GMDS: variants seen among roughly 807,000 people sequenced by gnomAD.
GMDS encodes the protein GDP-mannose 4,6-dehydratase.
A neutral mutation model predicts 49.9 loss-of-function variants in GMDS; 20 were observed. The ratio of observed to expected loss-of-function variants is 0.40; its 90% CI spans 0.28 to 0.58. The LOEUF (loss-of-function observed/expected upper bound fraction) is 0.58, where lower values mean the gene tolerates loss of function less well. GMDS is among the 20% of genes least tolerant of loss of function. GMDS has a pLI of 0.42. For synonymous variants in GMDS, 177 were observed against 178.6 expected, an observed-to-expected ratio of 0.99 and a Z score of 0.07; for missense variants, 362 against 481.4, an observed-to-expected ratio of 0.75 and a Z score of 2.32.
chr6:2,075,233 T>C (rs1772260136), intron 4 of GMDS, among the ~76,000 whole-genome samples: 1 of 152,156 alleles, frequency 6.6e-6, no homozygotes, highest in Non-Finnish European at 1.5e-5. Context: ...AGCAGTATTG[T>C]CATGTTAATG....
intron 1 of GMDS, among the ~76,000 whole-genome samples, chr6:2,243,345 G>C (rs906959174): frequency 1.3e-5 from 2 of 152,110 alleles, no homozygotes; most frequent in African/African-American, 4.8e-5. Context: ...GTCAAAATTA[G>C]GTTCCATTTC....
intron 4 of GMDS, among the ~76,000 whole-genome samples, chr6:2,114,559 T>C (rs1774736463): frequency 6.6e-6 from 1 of 152,198 alleles, no homozygotes; most frequent in Non-Finnish European, 1.5e-5. Flanking sequence ...CCCTGATACC[T>C]TTCACAGACT....
At chr6:2,166,429 T>C (rs1220942932) in intron 1 of GMDS, among the ~76,000 whole-genome samples, 1 of 152,224 alleles carries the variant, frequency 6.6e-6, no homozygotes, top group Admixed American at 6.5e-5. Flanking sequence ...CTTGTAGTTT[T>C]AGGCTTCAAA....
chr6:1,704,431 T>G (rs1018374809), intron 9 of GMDS, among the ~76,000 whole-genome samples: 1 of 151,976 alleles, frequency 6.6e-6, no homozygotes, highest in Non-Finnish European at 1.5e-5. Context: ...AGCAAGAGCG[T>G]GTCTGTGAGG....
At chr6:1,955,093 T>C (rs1763560486) in intron 6 of GMDS, among the ~76,000 whole-genome samples, 1 of 151,670 alleles carries the variant, frequency 6.6e-6, no homozygotes, top group Non-Finnish European at 1.5e-5. Context: ...GAAAAAATAG[T>C]ACCTACAGAT....
chr6:1,829,155 G>A (rs1034938760), intron 7 of GMDS, among the ~76,000 whole-genome samples: 6 of 152,014 alleles, frequency 3.9e-5, no homozygotes, highest in South Asian at 4.1e-4. Context: ...GGGAGGGGTC[G>A]GTCTTGATGT....
At chr6:1,633,850 T>C (rs1021470416) in intron 9 of GMDS, among the ~76,000 whole-genome samples, 1 of 152,060 alleles carries the variant, frequency 6.6e-6, no homozygotes, top group African/African-American at 2.4e-5. Flanking sequence ...AGCCACGTGG[T>C]CACAAGGCTC....
chr6:2,153,687 C>T (rs1279963679), intron 1 of GMDS, among the ~76,000 whole-genome samples: 1 of 152,056 alleles, frequency 6.6e-6, no homozygotes, highest in Non-Finnish European at 1.5e-5. Context: ...GTTATCTAAA[C>T]CCCACTGTGA....
At chr6:2,238,723 A>T (rs1781482418) in intron 1 of GMDS, among the ~76,000 whole-genome samples, 1 of 152,160 alleles carries the variant, frequency 6.6e-6, no homozygotes, top group African/African-American at 2.4e-5. Flanking sequence ...TTTTCTACCC[A>T]AGAAAAACCC....
intron 9 of GMDS, among the ~76,000 whole-genome samples, chr6:1,723,762 T>C (rs765892235): frequency 6.6e-6 from 1 of 152,148 alleles, no homozygotes; most frequent in Non-Finnish European, 1.5e-5. Flanking sequence ...ATGTGCAGGA[T>C]GGACTGAGTC....
intron 4 of GMDS, among the ~76,000 whole-genome samples, chr6:2,083,254 T>C (rs1401112677): frequency 6.6e-6 from 1 of 152,196 alleles, no homozygotes; most frequent in Admixed American, 6.5e-5. Context: ...TCCTTAATCA[T>C]ACTTCCTGCA....
chr6:2,028,165 CT>C (rs2127413491), intron 4 of GMDS, among the ~76,000 whole-genome samples: 1 of 152,298 alleles, frequency 6.6e-6, no homozygotes, highest in East Asian at 1.9e-4. Flanking sequence ...AAAATGAATA[CT>C]TTTGTTCACA....
chr6:2,158,833 C>G (rs1014811785), intron 1 of GMDS, among the ~76,000 whole-genome samples: 1 of 152,212 alleles, frequency 6.6e-6, no homozygotes, highest in Admixed American at 6.5e-5. Context: ...GCTTCCTCCC[C>G]ACAGTGTCCA....
chr6:1,782,546 A>G (rs566782213), intron 7 of GMDS, among the ~76,000 whole-genome samples: 16 of 152,330 alleles, frequency 1.1e-4, no homozygotes, highest in African/African-American at 3.8e-4. Flanking sequence ...TTCAAACACA[A>G]ATTTCGTATT....
intron 1 of GMDS, among the ~76,000 whole-genome samples, chr6:2,194,616 T>C (rs1392759961): frequency 6.6e-6 from 1 of 152,224 alleles, no homozygotes; most frequent in Non-Finnish European, 1.5e-5. Flanking sequence ...GATACCAATA[T>C]AAATAAAAGA....
chr6:2,245,526 G>T lies in GMDS; in HGVS notation c.-104C>A. The T allele has an allele frequency of 1.8e-6, 1 of 562,076 alleles. No homozygotes were observed. Among genetic ancestry groups the T allele is most frequent in the Non-Finnish European group, 2.8e-6 (1 of 362,388 alleles). 34.8% of individuals were successfully genotyped at this position (562,076 alleles called of 1,614,324 possible). A position where few individuals can be genotyped will look rare whatever the true frequency, so the allele number is the denominator to read the frequency against. ...TGTGCAGCACGAAGCGCCTCTCCAG[G>T]CTGCGGGCAGGGAGGGAGAGCGCAC... On this transcript the variant is annotated 5_prime_UTR_variant, in exon 1 of 11. Transcript: ENST00000380815.
At chr6:1,993,220 A>T (rs1766065539) in intron 4 of GMDS, among the ~76,000 whole-genome samples, 1 of 152,076 alleles carries the variant, frequency 6.6e-6, no homozygotes, top group Admixed American at 6.6e-5. Flanking sequence ...GGGTATGGGT[A>T]TTCTCGCTTC....
intron 7 of GMDS, among the ~76,000 whole-genome samples, chr6:1,813,223 TAAAAAA>T (rs56705761): frequency 2.3e-5 from 2 of 85,296 alleles, no homozygotes; most frequent in African/African-American, 1.0e-4. Context: ...CTCTGTCTCT[TAAAAAA>T]AAAAAAAAAA....
intron 4 of GMDS, among the ~76,000 whole-genome samples, chr6:1,990,429 T>C (rs934574469): frequency 2.0e-5 from 3 of 152,226 alleles, no homozygotes; most frequent in Admixed American, 1.3e-4. Context: ...AAATTCTCCA[T>C]TGACTTCACC....
Sources: gnomAD v4.1 joint callset for allele counts (sites outside exome capture counted in the v4.1 genomes callset) on GRCh38, gnomAD v4.1.1 for gene constraint, MANE v1.5 for transcripts, NCBI Gene and HGNC (gene_info 2026-07-23, HGNC 2026-07-21) for gene names.